Variants in PSORS1C1 observed in about 807,000 individuals in gnomAD.
PSORS1C1 encodes psoriasis susceptibility 1 candidate gene 1 protein.
Under a neutral mutation model 9.4 loss-of-function variants are expected in PSORS1C1, and 7 were observed. The ratio of observed to expected loss-of-function variants is 0.75; its 90% CI spans 0.42 to 1.40. PSORS1C1 has a LOEUF of 1.40. Among genes scored for constraint, PSORS1C1 ranks in the 40% most tolerant of loss-of-function variants. The pLI, the probability that PSORS1C1 is intolerant of heterozygous loss-of-function variation, is 0.01. For missense variants in PSORS1C1, 146 were observed against 178.1 expected (o/e 0.82, Z 1.02); for synonymous variants, 63 against 69.4 (o/e 0.91, Z 0.46).
intron 1 of PSORS1C1, among the ~76,000 whole-genome samples, chr6:31,122,961 G>A (rs1278292579): frequency 6.6e-6 from 1 of 152,148 alleles, no homozygotes; most frequent in Non-Finnish European, 1.5e-5. Context: ...AGGGTGTGAG[G>A]GGAGAAGGCA....
intron 1 of PSORS1C1, chr6:31,118,861 T>TTTG (rs1772311167): frequency 6.7e-6 from 1 of 148,768 alleles, no homozygotes; most frequent in African/African-American, 2.5e-5. Context: ...TTTTTTTTTT[T>TTTG]GTGAGATGGA....
At chr6:31,136,972 A>C (rs1361104778) in intron 3 of PSORS1C1, among the ~76,000 whole-genome samples, 1 of 149,038 alleles carries the variant, frequency 6.7e-6, no homozygotes, top group Non-Finnish European at 1.5e-5. Context: ...AACATGGTGA[A>C]ACCCCATCTC....
intron 3 of PSORS1C1, among the ~76,000 whole-genome samples, chr6:31,135,714 C>T (rs1773108795): frequency 6.6e-6 from 1 of 152,140 alleles, no homozygotes; most frequent in East Asian, 1.9e-4. Context: ...TTGCAGTTAA[C>T]CAAAACTAGG....
At chr6:31,116,221 AAGG>A in intron 1 of PSORS1C1, 1 of 1,613,934 alleles carries the variant, frequency 6.2e-7, no homozygotes, top group Non-Finnish European at 8.5e-7. Context: ...AGTCAGTGTC[AAGG>A]AGGAGACAGA....
chr6:31,126,170 A>G (rs3094196), intron 2 of PSORS1C1, among the ~76,000 whole-genome samples: 43,332 of 152,040 alleles, frequency 0.29, 6,604 homozygotes, highest in African/African-American at 0.39. Context: ...CTCATTCCTC[A>G]CGGGTGACTG....
At chr6:31,120,534 G>A in intron 1 of PSORS1C1, 1 of 948,684 alleles carries the variant, frequency 1.1e-6, no homozygotes. Flanking sequence ...AGAGGTGGAG[G>A]GGGTGGGTGC....
chr6:31,132,530 GAATA>G (rs9281220), intron 3 of PSORS1C1, among the ~76,000 whole-genome samples: 19 of 150,254 alleles, frequency 1.3e-4, no homozygotes, highest in Admixed American at 2.7e-4. Context: ...CTCAAAAATT[GAATA>G]AATAAATAAA....
chr6:31,127,688 C>T (rs1772741098), intron 2 of PSORS1C1, among the ~76,000 whole-genome samples: 1 of 151,856 alleles, frequency 6.6e-6, no homozygotes. Flanking sequence ...GTGGTGAACA[C>T]TTGTAATCCC....
At chr6:31,121,730 C>G (rs2239523) in intron 1 of PSORS1C1, among the ~76,000 whole-genome samples, 119,073 of 152,124 alleles carry the variant, frequency 0.78, 47,236 homozygotes, top group African/African-American at 0.9. Flanking sequence ...GGCCCCTTGG[C>G]CTGGTCTCTC....
At position 31,122,204 on chromosome 6, in the gene PSORS1C1, C is replaced by T. The variant is rs560734324; in HGVS notation, c.-228-3472C>T. ...GGGGTATTTTAAATAACACTTATTT[C>T]ACAAGGTTTTTGTGAACATCAAATG... On this transcript the variant is annotated intron_variant, in intron 1 of 5. Coordinates refer to ENST00000259881, the MANE Select transcript of PSORS1C1 (RefSeq NM_014068.3). 7.4e-4 allele frequency among the ~76,000 whole-genome samples: 113 copies of T among 152,264 alleles called. 1 individual carries two copies. Among genetic ancestry groups the T allele is most frequent in the African/African-American group, 2.6e-3 (106 of 41,542 alleles).
intron 2 of PSORS1C1, among the ~76,000 whole-genome samples, chr6:31,127,514 C>T (rs1183275402): frequency 6.6e-6 from 1 of 151,708 alleles, no homozygotes; most frequent in Non-Finnish European, 1.5e-5. Context: ...CCGAGGTCTG[C>T]CCATGCAGGA....
chr6:31,135,744 C>T (rs1334905806), intron 3 of PSORS1C1, among the ~76,000 whole-genome samples: 1 of 152,066 alleles, frequency 6.6e-6, no homozygotes, highest in Non-Finnish European at 1.5e-5. Flanking sequence ...AAGGATTAAA[C>T]ATAAAAAGTT....
At chr6:31,120,270 G>T in intron 1 of PSORS1C1, 5 of 1,283,534 alleles carry the variant, frequency 3.9e-6, no homozygotes, top group African/African-American at 1.5e-5. Flanking sequence ...TGTCCCCTTC[G>T]CTGGGTCCTC....
At chr6:31,127,577 AT>A (rs1772735843) in intron 2 of PSORS1C1, among the ~76,000 whole-genome samples, 1 of 148,878 alleles carries the variant, frequency 6.7e-6, no homozygotes, top group African/African-American at 2.5e-5. Context: ...TATTATTATT[AT>A]TATTATTATT....
intron 3 of PSORS1C1, among the ~76,000 whole-genome samples, chr6:31,134,091 G>A (rs1327848565): frequency 1.3e-5 from 2 of 151,938 alleles, no homozygotes; most frequent in Non-Finnish European, 2.9e-5. Flanking sequence ...GGATTCTCCT[G>A]CCTCAGCCTC....
chr6:31,126,961 C>G (rs1392612987), intron 2 of PSORS1C1, among the ~76,000 whole-genome samples: 2 of 152,232 alleles, frequency 1.3e-5, no homozygotes, highest in Non-Finnish European at 2.9e-5. Context: ...AGTAGCAAGA[C>G]TGTTCCCCTC....
chr6:31,124,162 A>T (rs1772580330), intron 1 of PSORS1C1, among the ~76,000 whole-genome samples: 1 of 152,204 alleles, frequency 6.6e-6, no homozygotes, highest in Non-Finnish European at 1.5e-5. Flanking sequence ...GAGAGGGTGC[A>T]GGGAACCAAA....
At chr6:31,134,482 T>A (rs550465118) in intron 3 of PSORS1C1, among the ~76,000 whole-genome samples, 1 of 147,636 alleles carries the variant, frequency 6.8e-6, no homozygotes, top group Non-Finnish European at 1.5e-5. Context: ...TTTTTTGTAT[T>A]TTTTAGTAGA....
In PSORS1C1 at chr6:31,138,682, C is replaced by A. The variant is rs1265097; in HGVS notation, c.70C>A (p.Pro24Thr). The A allele has an allele frequency of 0.1, 165,122 of 1,612,958 alleles. 9,966 individuals are homozygous for A. Among genetic ancestry groups the A allele is most frequent in the Admixed American group, 0.2 (11,707 of 59,962 alleles). The change falls in exon 5 of 6, where the codon CCC becomes ACC. Residue 24 changes from proline to threonine, a missense_variant. Pro to Thr is a conservative substitution (Grantham distance 38). Transcript: ENST00000259881. ...LGTQTPALQG[P>T]QLLNTDPSSE... The stretch of plus-strand genomic sequence containing the variant: ...CACACAGACCCCAGCTTTACAAGGA[C>A]CCCAGCTCCTTAACACAGATCCCAG...
Sources: gnomAD v4.1 joint callset for allele counts (sites outside exome capture counted in the v4.1 genomes callset) on GRCh38, gnomAD v4.1.1 for gene constraint, MANE v1.5 for transcripts, NCBI Gene and HGNC (gene_info 2026-07-23, HGNC 2026-07-21) for gene names.